The following DDX43 variants were observed in gnomAD, a reference collection of about 807,000 sequenced individuals.
DDX43 encodes DEAD-box helicase 43, also known as probable ATP-dependent RNA helicase DDX43.
DDX43 carries 50 observed loss-of-function variants against 84.9 expected under a neutral mutation model. The observed-to-expected ratio is 0.59, with a 90% CI of 0.47 to 0.75. DDX43 has a LOEUF of 0.75. Among genes scored for constraint, DDX43 ranks in the 30% least tolerant of loss-of-function variants. The pLI is 0.00. For missense variants in DDX43, 689 were observed against 798.6 expected (o/e 0.86, Z 1.65); for synonymous variants, 291 against 266.3 (o/e 1.09, Z -0.90).
chr6:73,407,444 G>A (rs2150795990), intron 7 of DDX43, 61 bp from the exon 8 acceptor site: 4 of 1,158,908 alleles, frequency 3.5e-6, no homozygotes, highest in Middle Eastern at 2.0e-4. Flanking sequence ...TGATGGTACT[G>A]AATAAATGTA....
chr6:73,396,315 G>A (rs1004339816), intron 1 of DDX43, among the ~76,000 whole-genome samples: 2 of 152,146 alleles, frequency 1.3e-5, no homozygotes, highest in Non-Finnish European at 2.9e-5. Flanking sequence ...CATTAAGCCC[G>A]AGTATAAATT....
chr6:73,396,652 A>G (rs939705184), intron 1 of DDX43, among the ~76,000 whole-genome samples: 8 of 147,592 alleles, frequency 5.4e-5, no homozygotes, highest in Admixed American at 2.6e-4. Context: ...TCACAATACT[A>G]ATAATAAGCA....
Position 73,408,009 on chromosome 6 carries a change from A to T in DDX43, c.1087A>T (p.Lys363Ter). The T allele has an allele frequency of 6.2e-7, 1 of 1,612,216 alleles. No homozygotes were observed. The highest frequency in any genetic ancestry group is 8.5e-7 in the Non-Finnish European group (1 of 1,178,428). The change falls in exon 9 of 17, where the codon AAA becomes TAA. Residue 363 changes from lysine (K) to a stop codon, truncating the protein, a stop_gained. Coordinates refer to ENST00000370336, the MANE Select transcript of DDX43 (RefSeq NM_018665.3). LOFTEE classifies it high-confidence loss of function. ...GNRDEQIEEL[K>*]KGVDIIIATP... Reference sequence around the variant, plus strand: ...TAGAGATGAACAAATAGAAGAGCTTAAAAAAGGTGTAGATATCATAATTGC... The same window carrying T: ...TAGAGATGAACAAATAGAAGAGCTTTAAAAAGGTGTAGATATCATAATTGC...
At chr6:73,397,085 T>A (rs1434977182) in intron 1 of DDX43, among the ~76,000 whole-genome samples, 3 of 152,244 alleles carry the variant, frequency 2.0e-5, no homozygotes, top group African/African-American at 7.2e-5. Context: ...CAAGTGAGAC[T>A]GCTGGATCAT....
At position 73,401,973 on chromosome 6, in the gene DDX43, A is replaced by G; in HGVS notation, c.551A>G (p.Gln184Arg). 6.2e-7 allele frequency: 1 copy of G among 1,614,106 alleles called. No homozygotes were observed. ...ATTAGAGAGGAAGGTTTGAAATGGC[A>G]AAAAACAAAGTGGGCAGGTCAGTGC... ...DQIREEGLKW[Q>R]KTKWADLPPI... The change falls in exon 4 of 17, where the codon CAA becomes CGA. Residue 184 changes from glutamine (Q) to arginine (R), a missense_variant. By Grantham distance (43) the Gln-to-Arg change is conservative (BLOSUM62 1). This residue lies in a region of DDX43 where 552 missense variants were observed against 692.7 expected (regional missense o/e 0.80). Transcript: ENST00000370336.
chr6:73,415,437 T>A (rs980601928), intron 14 of DDX43, 60 bp from the exon 15 acceptor site: 8 of 1,223,134 alleles, frequency 6.5e-6, no homozygotes, highest in Non-Finnish European at 8.2e-6. Flanking sequence ...AAGTTTTCAT[T>A]TGTCTTATTC....
Position 73,415,191 on chromosome 6 carries a change from G to A in DDX43, c.1746-306G>A, listed in dbSNP as rs540597064. Among the ~76,000 whole-genome samples, 44 of 152,144 alleles carry A rather than the reference G, an allele frequency of 2.9e-4. 1 individual carries two copies. The South Asian group carries it at 8.7e-3, about 30-fold the overall frequency. Reference sequence around the variant, plus strand: ...CGGGCGCCTGTAGTCCCAGCTACTCGGGAGGCTGAGGCAGGAGAATCACTT... The same window carrying A: ...CGGGCGCCTGTAGTCCCAGCTACTCAGGAGGCTGAGGCAGGAGAATCACTT... On this transcript the variant is annotated intron_variant, in intron 14 of 16. Coordinates refer to ENST00000370336, the MANE Select transcript of DDX43 (RefSeq NM_018665.3).
chr6:73,412,669 G>GCA (rs1769818577), intron 11 of DDX43, among the ~76,000 whole-genome samples: 3 of 29,190 alleles, frequency 1.0e-4, no homozygotes, highest in African/African-American at 2.1e-4. Flanking sequence ...GTGTGTGTGT[G>GCA]CGCGCGCGCG....
At chr6:73,414,203 C>T (rs1400503538) in intron 13 of DDX43, 124 bp downstream of exon 13, 3 of 636,238 alleles carry the variant, frequency 4.7e-6, no homozygotes, top group African/African-American at 1.8e-5. Context: ...CTGTATCCTA[C>T]AACTACACTC....
chr6:73,412,668 T>TGC lies in DDX43; in HGVS notation c.1368+386_1368+387dup, dbSNP rs200406044. On this transcript the variant is annotated intron_variant, in intron 11 of 16. Coordinates refer to ENST00000370336, the MANE Select transcript of DDX43 (RefSeq NM_018665.3). ...GTGTGTGTGTGTGTGTGTGTGTGTGTGCGCGCGCGCGTGTGTGTGTGTGCG... is the reference window on the plus strand; with the variant it reads ...GTGTGTGTGTGTGTGTGTGTGTGTGTGCGCGCGCGCGCGTGTGTGTGTGTGCG... Among the ~76,000 whole-genome samples, 391 of 108,352 alleles carry TGC rather than the reference T, an allele frequency of 3.6e-3. 14 individuals carry two copies. Among genetic ancestry groups the TGC allele is most frequent in the Admixed American group, 4.8e-3 (53 of 11,038 alleles). 71.1% of individuals were successfully genotyped at this position (108,352 alleles called of 152,430 possible).
rs1264726632 is a variant in DDX43 at position 73,407,530 on chromosome 6, G to A, written c.952G>A (p.Gly318Ser). 6 of 1,613,118 alleles carry A rather than the reference G, an allele frequency of 3.7e-6. No individual in the cohort carries two copies. Among genetic ancestry groups the A allele is most frequent in the African/African-American group, 1.3e-5 (1 of 74,856 alleles). ...PSLKGQRNRP[G>S]MLVLTPTREL... ...CCTTAAAGGTCAAAGGAATAGACCC[G>A]GCATGTTAGTTCTAACTCCCACTCG... Residue 318 changes from glycine (G) to serine (S), a missense_variant, in exon 8 of 17, where the codon GGC becomes AGC. Physicochemically the swap from Gly to Ser is moderately conservative, Grantham distance 56. Around this residue, in one of 2 missense-constraint regions of DDX43, gnomAD observed 552 missense variants for 692.7 expected, o/e 0.80. Transcript: ENST00000370336.
At chr6:73,406,775 T>C (rs1769694319) in intron 7 of DDX43, among the ~76,000 whole-genome samples, 3 of 152,234 alleles carry the variant, frequency 2.0e-5, no homozygotes, top group Admixed American at 2.0e-4. Flanking sequence ...ACATTTTAGA[T>C]GTTAATGAAA....
chr6:73,406,648 T>A (rs1392616872), intron 7 of DDX43, among the ~76,000 whole-genome samples, 166 bp downstream of exon 7: 1 of 152,224 alleles, frequency 6.6e-6, no homozygotes, highest in Non-Finnish European at 1.5e-5. Context: ...AAGTATAAAC[T>A]GGCAAAACAT....
At chr6:73,404,137 CAG>C (rs1353095755) in intron 4 of DDX43, among the ~76,000 whole-genome samples, 8 of 136,602 alleles carry the variant, frequency 5.9e-5, no homozygotes, top group Non-Finnish European at 9.4e-5. Flanking sequence ...TTTTCTGAGA[CAG>C]AGTTTCACTT....
At position 73,407,943 on chromosome 6, in the gene DDX43, G is replaced by T; in HGVS notation, c.1038-17G>T. On this transcript the variant is annotated splice_polypyrimidine_tract_variant and intron_variant, in intron 8 of 16. Coordinates refer to ENST00000370336, the MANE Select transcript of DDX43 (RefSeq NM_018665.3). ...TTCTGTGCCTAAACATTAACCTTTA[G>T]ATTTTTTCTTTTTAAGTGTTTGTGT... 1 of 1,604,640 alleles carries T rather than the reference G, an allele frequency of 6.2e-7. No individual in the cohort carries two copies. The highest frequency in any genetic ancestry group is 8.5e-7 in the Non-Finnish European group (1 of 1,175,166).
At chr6:73,404,319 C>T (rs1208837469) in intron 4 of DDX43, among the ~76,000 whole-genome samples, 1 of 152,150 alleles carries the variant, frequency 6.6e-6, no homozygotes, top group Non-Finnish European at 1.5e-5. Flanking sequence ...TCTCAAACTC[C>T]TGACCTCAGG....
chr6:73,401,777 G>A, intron 3 of DDX43, 82 bp from the exon 4 acceptor site: 2 of 1,340,012 alleles, frequency 1.5e-6, no homozygotes, highest in Non-Finnish European at 2.0e-6. Context: ...ACTCCAGCCT[G>A]GGGGACAGAG....
chr6:73,400,608 A>G (rs1246150202), intron 3 of DDX43, among the ~76,000 whole-genome samples: 2 of 152,122 alleles, frequency 1.3e-5, no homozygotes, highest in Non-Finnish European at 2.9e-5. Context: ...ATAACCCTTT[A>G]TTTTTATTTA....
At chr6:73,404,285 G>A (rs1244736596) in intron 4 of DDX43, among the ~76,000 whole-genome samples, 1 of 151,900 alleles carries the variant, frequency 6.6e-6, no homozygotes, top group Non-Finnish European at 1.5e-5. Context: ...GTAGAGATGG[G>A]TTTCACCATG....
Sources: gnomAD v4.1 joint callset for allele counts (sites outside exome capture counted in the v4.1 genomes callset) on GRCh38, gnomAD v4.1.1 for gene constraint, gnomAD v4.1.1 regional missense constraint, MANE v1.5 for transcripts, NCBI Gene and HGNC (gene_info 2026-07-23, HGNC 2026-07-21) for gene names.